Variants in CACNA2D3 observed in about 807,000 individuals in gnomAD.
The protein encoded by CACNA2D3 is calcium voltage-gated channel auxiliary subunit alpha2delta 3.
In CACNA2D3, 60 loss-of-function variants were observed where a neutral mutation model predicts 160.6. That is an observed-to-expected ratio of 0.37 (90% confidence interval 0.30 to 0.46). CACNA2D3 has a LOEUF of 0.46. Ranked by LOEUF, CACNA2D3 falls within the 20% of genes least tolerant of loss-of-function variation. CACNA2D3 has a pLI of 1.00. For synonymous variants in CACNA2D3, 558 were observed against 492.9 expected (o/e 1.13, Z -1.75); for missense variants, 1,205 against 1,365.0 (o/e 0.88, Z 1.85).
At chr3:54,631,437 C>T (rs1450396345) in intron 10 of CACNA2D3, among the ~76,000 whole-genome samples, 1 of 152,158 alleles carries the variant, frequency 6.6e-6, no homozygotes, top group Non-Finnish European at 1.5e-5. Context: ...ATATTTTCTA[C>T]TTCATCAATA....
intron 4 of CACNA2D3, among the ~76,000 whole-genome samples, chr3:54,477,736 C>G (rs1700855114): frequency 1.3e-5 from 2 of 152,198 alleles, no homozygotes; most frequent in South Asian, 2.1e-4. Flanking sequence ...ACCACATCTT[C>G]ACACGGAGAT....
intron 35 of CACNA2D3, among the ~76,000 whole-genome samples, chr3:55,040,661 G>T (rs1703939599): frequency 1.3e-5 from 2 of 152,092 alleles, no homozygotes; most frequent in Admixed American, 1.3e-4. Context: ...CTCCAACCTG[G>T]GCAACATAGT....
At chr3:54,449,150 A>G (rs971078814) in intron 4 of CACNA2D3, among the ~76,000 whole-genome samples, 4 of 152,216 alleles carry the variant, frequency 2.6e-5, no homozygotes, top group African/African-American at 7.2e-5. Context: ...GGATCCAAGA[A>G]TCAATACGTG....
chr3:54,941,825 G>T (rs1701474575), intron 27 of CACNA2D3, among the ~76,000 whole-genome samples: 1 of 152,134 alleles, frequency 6.6e-6, no homozygotes, highest in Non-Finnish European at 1.5e-5. Flanking sequence ...GAGGCTTCAG[G>T]GACATGCATT....
chr3:54,959,891 G>A (rs1701989994), intron 27 of CACNA2D3, among the ~76,000 whole-genome samples: 1 of 152,144 alleles, frequency 6.6e-6, no homozygotes, highest in African/African-American at 2.4e-5. Flanking sequence ...TTCAGATGAA[G>A]TCTGGAAAAA....
intron 14 of CACNA2D3, among the ~76,000 whole-genome samples, chr3:54,832,043 A>ACACACACC: frequency 6.7e-6 from 1 of 149,450 alleles, no homozygotes; most frequent in South Asian, 2.1e-4. Context: ...ACACACACAC[A>ACACACACC]CACACACACA....
intron 2 of CACNA2D3, among the ~76,000 whole-genome samples, chr3:54,303,047 C>T (rs940081843): frequency 9.2e-5 from 14 of 152,128 alleles, no homozygotes; most frequent in Admixed American, 3.3e-4. Flanking sequence ...AACAGCAGAT[C>T]CTCAGAGAGG....
intron 31 of CACNA2D3, among the ~76,000 whole-genome samples, chr3:54,988,311 G>C (rs1462081117): frequency 1.3e-5 from 2 of 152,216 alleles, no homozygotes; most frequent in Non-Finnish European, 2.9e-5. Flanking sequence ...TACTCATCCA[G>C]GTGTAAGAAC....
intron 3 of CACNA2D3, among the ~76,000 whole-genome samples, chr3:54,368,563 C>T (rs568364918): frequency 6.6e-6 from 1 of 152,120 alleles, no homozygotes; most frequent in Non-Finnish European, 1.5e-5. Context: ...AGAGAAAACC[C>T]AGGTAAGTCA....
chr3:54,921,252 C>T (rs989260411), intron 27 of CACNA2D3, among the ~76,000 whole-genome samples: 3 of 152,058 alleles, frequency 2.0e-5, no homozygotes, highest in South Asian at 2.1e-4. Flanking sequence ...GCTGTGCAGC[C>T]GTGAAAAACT....
intron 4 of CACNA2D3, among the ~76,000 whole-genome samples, chr3:54,499,563 T>A (rs1701255147): frequency 6.6e-6 from 1 of 152,156 alleles, no homozygotes; most frequent in Non-Finnish European, 1.5e-5. Context: ...AATTTCCTTG[T>A]AAGCTTTGCT....
At chr3:54,490,725 C>T (rs986601096) in intron 4 of CACNA2D3, among the ~76,000 whole-genome samples, 11 of 152,214 alleles carry the variant, frequency 7.2e-5, no homozygotes, top group African/African-American at 2.4e-4. Context: ...TTTGAGGGCT[C>T]ACCAGTGGAG....
intron 11 of CACNA2D3, among the ~76,000 whole-genome samples, chr3:54,736,120 CATATATATATGTATATATAT>C (rs1701522394): frequency 1.7e-4 from 8 of 45,978 alleles, no homozygotes; most frequent in African/African-American, 5.7e-4. Flanking sequence ...TATATATATA[CATATATATATGTATATATAT>C]ACACACACAC....
chr3:54,549,417 G>A (rs553386865), intron 5 of CACNA2D3, among the ~76,000 whole-genome samples: 3 of 152,356 alleles, frequency 2.0e-5, no homozygotes, highest in East Asian at 3.9e-4. Context: ...CTGCAGTCTG[G>A]CCTGGGCGAA....
chr3:54,180,977 G>GC (rs1414160916), intron 2 of CACNA2D3, among the ~76,000 whole-genome samples: 8 of 152,142 alleles, frequency 5.3e-5, no homozygotes, highest in African/African-American at 1.9e-4. Flanking sequence ...AGACCATCTG[G>GC]TTGCCCTTGT....
intron 17 of CACNA2D3, among the ~76,000 whole-genome samples, chr3:54,857,801 T>A (rs1274606583): frequency 6.6e-6 from 1 of 152,164 alleles, no homozygotes; most frequent in African/African-American, 2.4e-5. Flanking sequence ...GCTTTTACAT[T>A]AACACCATGG....
chr3:54,973,725 C>T (rs777664992), intron 29 of CACNA2D3, among the ~76,000 whole-genome samples: 15 of 152,264 alleles, frequency 9.9e-5, no homozygotes, highest in Middle Eastern at 3.4e-3. Flanking sequence ...CAGGTGACCC[C>T]TACCAAGTGC....
At chr3:54,972,573 A>G (rs1307110955) in intron 29 of CACNA2D3, among the ~76,000 whole-genome samples, 2 of 152,156 alleles carry the variant, frequency 1.3e-5, no homozygotes, top group Non-Finnish European at 2.9e-5. Flanking sequence ...TCTCCATTGC[A>G]CTTATGACCT....
At chr3:54,774,683 G>A (rs1446628341) in intron 13 of CACNA2D3, among the ~76,000 whole-genome samples, 1 of 137,932 alleles carries the variant, frequency 7.2e-6, no homozygotes, top group African/African-American at 2.8e-5. Context: ...CGCCCAGGCT[G>A]GAGTGCAGTG....
Sources: gnomAD v4.1 joint callset for allele counts (sites outside exome capture counted in the v4.1 genomes callset) on GRCh38, gnomAD v4.1.1 for gene constraint, MANE v1.5 for transcripts, NCBI Gene and HGNC (gene_info 2026-07-23, HGNC 2026-07-21) for gene names.